AFF2: variants seen among roughly 807,000 people sequenced by gnomAD.
The protein encoded by AFF2 is AF4/FMR2 family member 2.
Under a neutral mutation model 76.9 loss-of-function variants are expected in AFF2, and 14 were observed. That is an observed-to-expected ratio of 0.18 (90% CI 0.12 to 0.28). The LOEUF is 0.28. AFF2 is among the 10% of genes least tolerant of loss of function. The pLI, the probability that AFF2 is intolerant of heterozygous loss-of-function variation, is 1.00. For synonymous variants in AFF2, 398 were observed against 366.7 expected (o/e 1.09, Z -0.98); for missense variants, 868 against 1,001.1 (o/e 0.87, Z 1.79).
intron 1 of AFF2, among the ~76,000 whole-genome samples, chrX:148,585,856 A>G (rs2053464086): frequency 1.0e-5 from 1 of 99,939 alleles, no homozygotes; most frequent in African/African-American, 3.5e-5. Flanking sequence ...AAAAAAAAAA[A>G]AGAAAAAGAA....
At chrX:148,644,704 C>T (rs2054126860) in intron 1 of AFF2, among the ~76,000 whole-genome samples, 1 of 112,174 alleles carries the variant, frequency 8.9e-6, no homozygotes, top group African/African-American at 3.2e-5. Context: ...CTTGATTTTC[C>T]TTCATGAAAT....
intron 1 of AFF2, among the ~76,000 whole-genome samples, chrX:148,584,626 G>A (rs1008993547): frequency 9.5e-6 from 1 of 105,174 alleles, no homozygotes; most frequent in Non-Finnish European, 1.9e-5. Context: ...CCCGATCTCA[G>A]CTCACTGCAA....
chrX:148,860,922 T>TGA (rs781821416), intron 7 of AFF2, among the ~76,000 whole-genome samples: 13 of 111,877 alleles, frequency 1.2e-4, no homozygotes, highest in Non-Finnish European at 1.9e-4. Context: ...AAGGTAATTC[T>TGA]GAAGTGGTTG....
intron 1 of AFF2, among the ~76,000 whole-genome samples, chrX:148,535,788 C>T (rs782274358): frequency 1.1e-4 from 12 of 111,264 alleles, no homozygotes; most frequent in Non-Finnish European, 1.9e-4. Flanking sequence ...CTGGCTTCAT[C>T]GTAGCTAGTG....
intron 1 of AFF2, among the ~76,000 whole-genome samples, chrX:148,581,107 A>G (rs1277847704): frequency 1.1e-5 from 1 of 90,958 alleles, no homozygotes; most frequent in Non-Finnish European, 2.1e-5. Flanking sequence ...GTATATATAC[A>G]CATACGTATA....
intron 3 of AFF2, among the ~76,000 whole-genome samples, chrX:148,775,755 G>A (rs1368572098): frequency 9.0e-6 from 1 of 110,640 alleles, no homozygotes; most frequent in African/African-American, 3.3e-5. Context: ...TCTTCTCCTT[G>A]TGTCTGTCCC....
At chrX:148,553,002 C>T (rs1240211430) in intron 1 of AFF2, among the ~76,000 whole-genome samples, 5 of 111,554 alleles carry the variant, frequency 4.5e-5, no homozygotes, top group Non-Finnish European at 9.4e-5. Flanking sequence ...GGTGGTAAGA[C>T]AGGGAATTGC....
intron 9 of AFF2, among the ~76,000 whole-genome samples, chrX:148,948,272 C>G (rs1399961539): frequency 1.8e-5 from 2 of 111,946 alleles, no homozygotes; most frequent in African/African-American, 3.2e-5. Context: ...ATACAATAAC[C>G]CTGTGACTGA....
chrX:148,854,005 C>T (rs782756391), intron 7 of AFF2, among the ~76,000 whole-genome samples: 3 of 111,916 alleles, frequency 2.7e-5, no homozygotes, highest in Non-Finnish European at 5.6e-5. Flanking sequence ...CTAGGTCTAC[C>T]CTTTATCTTC....
At chrX:148,735,461 G>T (rs1239951804) in intron 3 of AFF2, among the ~76,000 whole-genome samples, 2 of 111,571 alleles carry the variant, frequency 1.8e-5, no homozygotes, top group Non-Finnish European at 3.8e-5. Context: ...TAAAATATTG[G>T]TACATATGAG....
At chrX:148,642,152 C>G (rs2054095883) in intron 1 of AFF2, among the ~76,000 whole-genome samples, 1 of 112,022 alleles carries the variant, frequency 8.9e-6, no homozygotes, top group East Asian at 2.8e-4. Flanking sequence ...TACTTTCATA[C>G]TCAGGCCGGG....
chrX:148,994,720 T>G lies in AFF2; in HGVS notation c.*3388T>G, dbSNP rs782580836. 2 of 112,545 alleles carry G rather than the reference T, an allele frequency of 1.8e-5. No homozygotes were observed. Among genetic ancestry groups the G allele is most frequent in the East Asian group, 5.6e-4 (2 of 3,586 alleles). 9.3% of individuals were successfully genotyped at this position (112,545 alleles called of 1,213,427 possible). Reference sequence around the variant, plus strand: ...TTTTGTCTGCATTGGAAAGATACTCTTCTAGCATATCTTTCCCAAAGATAT... The same window carrying G: ...TTTTGTCTGCATTGGAAAGATACTCGTCTAGCATATCTTTCCCAAAGATAT... On this transcript the variant is annotated 3_prime_UTR_variant, in exon 21 of 21. Coordinates refer to ENST00000370460, the MANE Select transcript of AFF2 (RefSeq NM_002025.4).
chrX:148,506,999 G>A (rs2124186990), intron 1 of AFF2, among the ~76,000 whole-genome samples: 1 of 112,208 alleles, frequency 8.9e-6, no homozygotes, highest in African/African-American at 3.2e-5. Flanking sequence ...TTGCTTCCTA[G>A]AGAATGGTGT....
At chrX:148,809,765 A>G (rs1557271652) in intron 3 of AFF2, 111 bp from the exon 4 acceptor site, 17 of 786,786 alleles carry the variant, frequency 2.2e-5, no homozygotes, top group African/African-American at 4.2e-5. Flanking sequence ...ATTTAATAGG[A>G]AAAAAATGAT....
intron 3 of AFF2, among the ~76,000 whole-genome samples, chrX:148,735,279 A>G (rs782147992): frequency 1.8e-5 from 2 of 112,571 alleles, no homozygotes; most frequent in South Asian, 7.3e-4. Context: ...TTATGCACAT[A>G]TCCACCTTTA....
chrX:148,563,691 A>G (rs1356257470), intron 1 of AFF2, among the ~76,000 whole-genome samples: 1 of 112,429 alleles, frequency 8.9e-6, no homozygotes, highest in Non-Finnish European at 1.9e-5. Context: ...ATCTCTGGTG[A>G]GACAACAGTA....
chrX:148,631,457 T>C (rs2053980567), intron 1 of AFF2, among the ~76,000 whole-genome samples: 1 of 111,410 alleles, frequency 9.0e-6, no homozygotes, highest in African/African-American at 3.3e-5. Flanking sequence ...GGGAAAGATA[T>C]AGCAAGAAAT....
intron 4 of AFF2, among the ~76,000 whole-genome samples, chrX:148,821,722 T>C (rs1418702596): frequency 6.3e-5 from 7 of 110,972 alleles, no homozygotes; most frequent in Admixed American, 1.9e-4. Flanking sequence ...AATTTTTATA[T>C]ATCTACACTT....
intron 3 of AFF2, among the ~76,000 whole-genome samples, chrX:148,731,266 A>T (rs1332973077): frequency 1.8e-5 from 2 of 111,866 alleles, no homozygotes; most frequent in African/African-American, 6.5e-5. Flanking sequence ...CAAAGGACCT[A>T]AACTGAAGTG....
Sources: allele counts gnomAD v4.1 joint callset (sites outside exome capture counted in the v4.1 genomes callset), GRCh38; gene constraint gnomAD v4.1.1; transcripts MANE v1.5; gene names NCBI Gene and HGNC (gene_info 2026-07-23, HGNC 2026-07-21).